Variants in KCNJ3 observed in about 807,000 individuals in gnomAD.
KCNJ3 encodes G protein-activated inward rectifier potassium channel 1.
In KCNJ3, 4 loss-of-function variants were observed where a neutral mutation model predicts 39.2. The ratio of observed to expected loss-of-function variants is 0.10; its 90% CI spans 0.05 to 0.23. The LOEUF (loss-of-function observed/expected upper bound fraction) is 0.23. Ranked by LOEUF, KCNJ3 falls within the 10% of genes least tolerant of loss-of-function variation. The pLI is 1.00. For synonymous variants in KCNJ3, 230 were observed against 237.4 expected (o/e 0.97, Z 0.29); for missense variants, 276 against 634.9 (o/e 0.43, Z 6.08).
chr2:154,720,152 T>G (rs1334614455), intron 2 of KCNJ3, among the ~76,000 whole-genome samples: 1 of 152,002 alleles, frequency 6.6e-6, no homozygotes, highest in Non-Finnish European at 1.5e-5. Flanking sequence ...CAGAGTGCCA[T>G]CAGAATATTG....
chr2:154,765,710 A>T (rs1177779202), intron 2 of KCNJ3, among the ~76,000 whole-genome samples: 2 of 152,170 alleles, frequency 1.3e-5, no homozygotes, highest in Non-Finnish European at 2.9e-5. Flanking sequence ...ACTACAGTGA[A>T]CTCTTGGGAC....
intron 2 of KCNJ3, among the ~76,000 whole-genome samples, chr2:154,811,956 G>C (rs1687014820): frequency 6.6e-6 from 1 of 152,076 alleles, no homozygotes; most frequent in African/African-American, 2.4e-5. Context: ...TCGTTCACCA[G>C]TTTTCAATTG....
At chr2:154,846,603 A>G (rs1334453623) in intron 2 of KCNJ3, among the ~76,000 whole-genome samples, 1 of 152,144 alleles carries the variant, frequency 6.6e-6, no homozygotes, top group Non-Finnish European at 1.5e-5. Context: ...TCAAGTTTAT[A>G]TTCAAAGCCC....
At chr2:154,761,974 A>T (rs72875764) in intron 2 of KCNJ3, among the ~76,000 whole-genome samples, 49,697 of 151,672 alleles carry the variant, frequency 0.33, 9,462 homozygotes, top group Non-Finnish European at 0.43. Context: ...AGTCCTTATA[A>T]AAAAAAAGTC....
At chr2:154,771,883 G>A (rs892331400) in intron 2 of KCNJ3, among the ~76,000 whole-genome samples, 3 of 152,092 alleles carry the variant, frequency 2.0e-5, no homozygotes, top group South Asian at 2.1e-4. Flanking sequence ...ATTACTAAAC[G>A]GATACCCTGG....
intron 2 of KCNJ3, among the ~76,000 whole-genome samples, chr2:154,747,754 C>A (rs1484507391): frequency 1.3e-5 from 2 of 152,002 alleles, no homozygotes; most frequent in African/African-American, 4.8e-5. Context: ...GTGGAAAAAC[C>A]TTCAGCCTAA....
At chr2:154,769,309 T>C (rs1183560738) in intron 2 of KCNJ3, among the ~76,000 whole-genome samples, 1 of 152,194 alleles carries the variant, frequency 6.6e-6, no homozygotes, top group African/African-American at 2.4e-5. Context: ...TTCAGTATGA[T>C]ATTGGCTGTG....
intron 2 of KCNJ3, among the ~76,000 whole-genome samples, chr2:154,734,565 A>G (rs1012764963): frequency 1.3e-5 from 2 of 152,226 alleles, no homozygotes; most frequent in African/African-American, 2.4e-5. Context: ...GTTGATGGCT[A>G]GAATGGAGAG....
At chr2:154,837,067 T>G (rs561651533) in intron 2 of KCNJ3, among the ~76,000 whole-genome samples, 1 of 152,324 alleles carries the variant, frequency 6.6e-6, no homozygotes, top group South Asian at 2.1e-4. Flanking sequence ...TCCATGGATG[T>G]CAAGTGTGTA....
chr2:154,829,797 ATTC>A (rs1687332381), intron 2 of KCNJ3, among the ~76,000 whole-genome samples: 1 of 152,016 alleles, frequency 6.6e-6, no homozygotes, highest in African/African-American at 2.4e-5. Context: ...TAATAATAAC[ATTC>A]TTATTATCAA....
chr2:154,825,367 TA>T (rs996191869), intron 2 of KCNJ3, among the ~76,000 whole-genome samples: 1 of 152,160 alleles, frequency 6.6e-6, no homozygotes, highest in Non-Finnish European at 1.5e-5. Flanking sequence ...AGTGGGAATC[TA>T]ACCTGTTTTG....
intron 2 of KCNJ3, among the ~76,000 whole-genome samples, chr2:154,762,883 A>G (rs17623227): frequency 0.33 from 49,742 of 151,992 alleles, 9,461 homozygotes; most frequent in Non-Finnish European, 0.43. Context: ...AGCTACTTGG[A>G]CTAGAGAAAT....
At chr2:154,752,751 A>C (rs1685868424) in intron 2 of KCNJ3, among the ~76,000 whole-genome samples, 1 of 152,066 alleles carries the variant, frequency 6.6e-6, no homozygotes, top group Admixed American at 6.6e-5. Context: ...TAATTGTGCC[A>C]GTATGACAAA....
chr2:154,768,012 C>T (rs1202384370), intron 2 of KCNJ3, among the ~76,000 whole-genome samples: 1 of 152,136 alleles, frequency 6.6e-6, no homozygotes, highest in Non-Finnish European at 1.5e-5. Context: ...TTATATCCTT[C>T]ACCCACTTTT....
chr2:154,800,660 T>C (rs531733941), intron 2 of KCNJ3, among the ~76,000 whole-genome samples: 1 of 152,334 alleles, frequency 6.6e-6, no homozygotes, highest in Admixed American at 6.5e-5. Context: ...TACTATCTTG[T>C]TCATCCTTGC....
intron 2 of KCNJ3, among the ~76,000 whole-genome samples, chr2:154,731,234 T>C (rs13417138): frequency 0.29 from 44,496 of 151,878 alleles, 6,815 homozygotes; most frequent in Non-Finnish European, 0.32. Context: ...AGACAGGGTG[T>C]GAGAACTCTG....
chr2:154,713,829 C>G (rs1210528698), intron 2 of KCNJ3, among the ~76,000 whole-genome samples: 1 of 152,182 alleles, frequency 6.6e-6, no homozygotes, highest in Non-Finnish European at 1.5e-5. Flanking sequence ...AAACTTCAAT[C>G]TGGTTTCTGC....
chr2:154,847,780 A>G (rs899129672), intron 2 of KCNJ3, among the ~76,000 whole-genome samples: 1 of 152,216 alleles, frequency 6.6e-6, no homozygotes, highest in Non-Finnish European at 1.5e-5. Flanking sequence ...TAATGAAACT[A>G]AAGCTTAAAG....
intron 2 of KCNJ3, among the ~76,000 whole-genome samples, chr2:154,819,388 A>G (rs1416114177): frequency 1.3e-5 from 2 of 152,158 alleles, no homozygotes; most frequent in African/African-American, 2.4e-5. Context: ...GTGACAAATA[A>G]TCAATGCTTA....
Sources: gnomAD v4.1 joint callset for allele counts (sites outside exome capture counted in the v4.1 genomes callset) on GRCh38, gnomAD v4.1.1 for gene constraint, MANE v1.5 for transcripts, NCBI Gene and HGNC (gene_info 2026-07-23, HGNC 2026-07-21) for gene names.